The following RIMS1 variants were observed in gnomAD, a reference collection of about 807,000 sequenced individuals.
The protein encoded by RIMS1 is regulating synaptic membrane exocytosis protein 1.
Under a neutral mutation model 214.1 loss-of-function variants are expected in RIMS1, and 83 were observed. The ratio of observed to expected loss-of-function variants is 0.39; its 90% CI spans 0.32 to 0.47. The LOEUF (loss-of-function observed/expected upper bound fraction) is 0.47. Among genes scored for constraint, RIMS1 ranks in the 20% least tolerant of loss-of-function variants. The pLI is 0.99. For missense variants in RIMS1, 2,050 were observed against 2,161.8 expected (o/e 0.95, Z 1.03); for synonymous variants, 793 against 786.8 (o/e 1.01, Z -0.13).
intron 1 of RIMS1, among the ~76,000 whole-genome samples, chr6:71,921,432 T>C (rs756669325): frequency 6.6e-6 from 1 of 152,238 alleles, no homozygotes. Flanking sequence ...ATTATTTAGC[T>C]ACTTTCTTGT....
chr6:72,302,670 A>G (rs1036973224), intron 26 of RIMS1, among the ~76,000 whole-genome samples: 16 of 151,662 alleles, frequency 1.1e-4, no homozygotes, highest in Non-Finnish European at 2.1e-4. Context: ...TTGCTATACA[A>G]CAAGGAAGCA....
intron 2 of RIMS1, among the ~76,000 whole-genome samples, chr6:72,088,509 C>A (rs1346691877): frequency 6.6e-6 from 1 of 152,112 alleles, no homozygotes; most frequent in African/African-American, 2.4e-5. Context: ...CTACCTGCCT[C>A]AGCCTCCCAA....
chr6:72,083,931 A>C (rs956297201), intron 2 of RIMS1, among the ~76,000 whole-genome samples: 1 of 152,172 alleles, frequency 6.6e-6, no homozygotes, highest in Non-Finnish European at 1.5e-5. Context: ...ATTCCTTCCA[A>C]AAAGTGTCCA....
intron 33 of RIMS1, among the ~76,000 whole-genome samples, chr6:72,399,851 C>T (rs139664344): frequency 3.8e-4 from 58 of 152,212 alleles, no homozygotes; most frequent in Admixed American, 1.2e-3. Context: ...AAATGGAAGG[C>T]TTGTCTGACA....
At chr6:71,909,993 A>G (rs1776405455) in intron 1 of RIMS1, among the ~76,000 whole-genome samples, 1 of 152,182 alleles carries the variant, frequency 6.6e-6, no homozygotes, top group African/African-American at 2.4e-5. Flanking sequence ...TGTAAGTTAA[A>G]TGGTCAGAGG....
intron 2 of RIMS1, among the ~76,000 whole-genome samples, chr6:72,002,118 C>T (rs188553701): frequency 2.2e-4 from 33 of 152,104 alleles, no homozygotes; most frequent in African/African-American, 5.3e-4. Flanking sequence ...CTCATCAGTC[C>T]GTCTTGCTGC....
intron 1 of RIMS1, among the ~76,000 whole-genome samples, chr6:71,958,096 C>T (rs759757555): frequency 3.3e-5 from 5 of 152,022 alleles, no homozygotes; most frequent in Non-Finnish European, 7.4e-5. Flanking sequence ...AGAGCTTAAA[C>T]GAGTCCCTAT....
rs533811898 is a variant in RIMS1, at chr6:71,963,201, G to C, written c.165-5782G>C. ...TTTTAAGTATTAAAGACAGAGGGCT[G>C]CCTGGAATGGTGGAAAGGACATTAG... On this transcript the variant is annotated intron_variant, in intron 1 of 33. Transcript: ENST00000521978. Among the ~76,000 whole-genome samples, 286 of 152,222 alleles carry C rather than the reference G, an allele frequency of 1.9e-3. 1 individual carries two copies. Among genetic ancestry groups the C allele is most frequent in the African/African-American group, 6.5e-3 (272 of 41,536 alleles).
At chr6:71,982,779 T>C (rs1798830297) in intron 2 of RIMS1, among the ~76,000 whole-genome samples, 1 of 152,112 alleles carries the variant, frequency 6.6e-6, no homozygotes, top group African/African-American at 2.4e-5. Context: ...TGGCCTTTTG[T>C]CTTCTATTCC....
chr6:72,275,488 A>C (rs991863962), intron 23 of RIMS1, among the ~76,000 whole-genome samples: 22 of 152,244 alleles, frequency 1.4e-4, no homozygotes, highest in African/African-American at 5.3e-4. Flanking sequence ...CATTGTCACC[A>C]AGAAAAAAAT....
chr6:72,310,868 A>G (rs968302371), intron 27 of RIMS1, among the ~76,000 whole-genome samples: 5 of 152,174 alleles, frequency 3.3e-5, no homozygotes, highest in Non-Finnish European at 5.9e-5. Flanking sequence ...ATATCATATC[A>G]GAATGATAGA....
chr6:71,893,445 T>C (rs1214700141), intron 1 of RIMS1, among the ~76,000 whole-genome samples: 1 of 152,148 alleles, frequency 6.6e-6, no homozygotes, highest in Non-Finnish European at 1.5e-5. Context: ...AGAAATTAGC[T>C]TGGGGTAATT....
intron 2 of RIMS1, among the ~76,000 whole-genome samples, chr6:72,044,185 AAAC>A (rs1341792903): frequency 6.6e-6 from 1 of 151,800 alleles, no homozygotes; most frequent in Admixed American, 6.6e-5. Flanking sequence ...CTACAAAAGA[AAAC>A]AACAAAAAAA....
intron 2 of RIMS1, among the ~76,000 whole-genome samples, chr6:72,004,630 G>A (rs1806701043): frequency 1.3e-5 from 2 of 152,022 alleles, no homozygotes; most frequent in African/African-American, 4.8e-5. Context: ...GTGATGGTGA[G>A]CATTTTTTCA....
chr6:72,189,291 G>A (rs1351625581), intron 6 of RIMS1, among the ~76,000 whole-genome samples: 1 of 152,198 alleles, frequency 6.6e-6, no homozygotes, highest in Non-Finnish European at 1.5e-5. Context: ...CCATTCCACT[G>A]TTCTATCAAT....
intron 24 of RIMS1, 96 bp from the exon 25 acceptor site, chr6:72,290,583 T>C (rs751936012): frequency 9.0e-6 from 9 of 1,004,290 alleles, no homozygotes; most frequent in Non-Finnish European, 1.3e-5. Flanking sequence ...ATTACTGTCA[T>C]GTACGAGTAA....
chr6:72,400,467 G>C (rs770467062), intron 33 of RIMS1, 29 bp from the exon 34 acceptor site: 5 of 1,582,116 alleles, frequency 3.2e-6, no homozygotes, highest in Non-Finnish European at 4.3e-6. Flanking sequence ...GAGAAGTCCA[G>C]GTAATGTTGC....
chr6:72,122,371 A>C (rs953732533), intron 4 of RIMS1, among the ~76,000 whole-genome samples: 1 of 150,360 alleles, frequency 6.7e-6, no homozygotes. Context: ...CACCTGGCTA[A>C]TTTTTTTTGT....
chr6:72,048,515 A>T (rs1226523600), intron 2 of RIMS1, among the ~76,000 whole-genome samples: 1 of 152,178 alleles, frequency 6.6e-6, no homozygotes, highest in African/African-American at 2.4e-5. Context: ...GTGTGATAAC[A>T]TCTATAGGAT....
Sources: gnomAD v4.1 joint callset for allele counts (sites outside exome capture counted in the v4.1 genomes callset) on GRCh38, gnomAD v4.1.1 for gene constraint, MANE v1.5 for transcripts, NCBI Gene and HGNC (gene_info 2026-07-23, HGNC 2026-07-21) for gene names.